ZNF518A: variants seen among roughly 807,000 people sequenced by gnomAD.
The protein encoded by ZNF518A is zinc finger protein 518.
Under a neutral mutation model 102.7 loss-of-function variants are expected in ZNF518A, and 47 were observed. The observed-to-expected ratio is 0.46, with a 90% confidence interval of 0.36 to 0.58. ZNF518A has a LOEUF of 0.58. Ranked by LOEUF, ZNF518A falls within the 20% of genes least tolerant of loss-of-function variation. ZNF518A has a pLI of 0.00. For synonymous variants in ZNF518A, 652 were observed against 594.6 expected (o/e 1.10, Z -1.40); for missense variants, 1,793 against 1,699.8 (o/e 1.05, Z -0.96).
At chr10:96,135,553 C>G (rs2081557272) in intron 3 of ZNF518A, among the ~76,000 whole-genome samples, 1 of 152,214 alleles carries the variant, frequency 6.6e-6, no homozygotes, top group South Asian at 2.1e-4. Context: ...TACTTTCACT[C>G]AACCTACAAA....
intron 3 of ZNF518A, among the ~76,000 whole-genome samples, chr10:96,151,971 G>A (rs1403681058): frequency 7.9e-5 from 12 of 152,154 alleles, no homozygotes; most frequent in African/African-American, 2.9e-4. Flanking sequence ...GTCTTATGCT[G>A]TAATAATACA....
At chr10:96,140,638 AG>A (rs1564746280) in intron 3 of ZNF518A, among the ~76,000 whole-genome samples, 1 of 152,194 alleles carries the variant, frequency 6.6e-6, no homozygotes, top group Non-Finnish European at 1.5e-5. Flanking sequence ...CCTATTAAAA[AG>A]GTGATTTCTG....
rs782063820 is a variant in ZNF518A, at chr10:96,192,113, T to G, written n.36-11461T>G. On this transcript the variant is annotated intron_variant and non_coding_transcript_variant, in intron 1 of 2. Transcript: ENST00000442635. ...AAGTACTAGAGGAAGAAAACATAGA[T>G]GAATTATACTTTGGCATTTGTGTTA... 1.9e-6 allele frequency: 3 copies of G among 1,613,112 alleles called. No homozygotes were observed. The South Asian group carries it at 3.3e-5, about 18-fold the overall frequency.
At chr10:96,140,723 G>A (rs2081876334) in intron 3 of ZNF518A, among the ~76,000 whole-genome samples, 1 of 151,648 alleles carries the variant, frequency 6.6e-6, no homozygotes, top group Admixed American at 6.6e-5. Context: ...TTGAGACCAG[G>A]AGGTCAAGAC....
chr10:96,131,572 G>T (rs1554871862), intron 1 of ZNF518A, among the ~76,000 whole-genome samples: 1 of 152,062 alleles, frequency 6.6e-6, no homozygotes, highest in Non-Finnish European at 1.5e-5. Flanking sequence ...ACAGAAAATT[G>T]CCAACAAAAG....
At chr10:96,180,827 C>T (rs1266946980) in intron 1 of ZNF518A, among the ~76,000 whole-genome samples, 16 of 147,750 alleles carry the variant, frequency 1.1e-4, no homozygotes, top group African/African-American at 3.4e-4. Context: ...GTCTTTATAG[C>T]AGCATGATTT....
rs185927824 is a variant in ZNF518A at position 96,193,547 on chromosome 10, G to A, written n.36-10027G>A. Among the ~76,000 whole-genome samples, 5 of 152,284 alleles carry A rather than the reference G, an allele frequency of 3.3e-5. No individual in the cohort carries two copies. The East Asian group carries it at 7.7e-4, about 23-fold the overall frequency. On this transcript the variant is annotated intron_variant and non_coding_transcript_variant, in intron 1 of 2. Coordinates refer to the ZNF518A transcript ENST00000442635. Reference sequence around the variant, plus strand: ...TGAAACATTTGAAGTAGGGAATGAAGTTGAAGAATATTTGTGATTTAATTT... The same window carrying A: ...TGAAACATTTGAAGTAGGGAATGAAATTGAAGAATATTTGTGATTTAATTT...
chr10:96,148,774 G>A (rs1731503671), intron 3 of ZNF518A, among the ~76,000 whole-genome samples: 1 of 152,210 alleles, frequency 6.6e-6, no homozygotes, highest in South Asian at 2.1e-4. Context: ...GGAGTGCAGT[G>A]GCATGGTCTC....
chr10:96,155,089 T>C (rs1476241550), intron 3 of ZNF518A, among the ~76,000 whole-genome samples: 2 of 147,756 alleles, frequency 1.4e-5, no homozygotes, highest in Non-Finnish European at 3.0e-5. Context: ...ATTAAAAACA[T>C]GTAATTTTTC....
At chr10:96,184,563 C>T (rs1554892347) in intron 1 of ZNF518A, among the ~76,000 whole-genome samples, 1 of 152,178 alleles carries the variant, frequency 6.6e-6, no homozygotes, top group African/African-American at 2.4e-5. Flanking sequence ...ACTTATGAAG[C>T]TTAGTTTGGC....
downstream of ZNF518A, among the ~76,000 whole-genome samples, chr10:96,165,454 A>G (rs1219561966): frequency 2.3e-5 from 2 of 87,240 alleles, no homozygotes; most frequent in Non-Finnish European, 5.0e-5. Flanking sequence ...CAAGCCTGCC[A>G]AAAAACAACA....
chr10:96,172,064 G>A (rs2133883928), intron 1 of ZNF518A, among the ~76,000 whole-genome samples: 1 of 152,110 alleles, frequency 6.6e-6, no homozygotes, highest in South Asian at 2.1e-4. Context: ...TTTCAAATAA[G>A]CAAAATGAGA....
At chr10:96,199,551 A>G (rs1193105546) in intron 1 of ZNF518A, 1 of 458,876 alleles carries the variant, frequency 2.2e-6, no homozygotes, top group Non-Finnish European at 4.4e-6. Context: ...AGATGAAAGG[A>G]CAAGTAGAAA....
intron 3 of ZNF518A, among the ~76,000 whole-genome samples, chr10:96,138,139 A>T (rs1554875225): frequency 6.6e-6 from 1 of 152,130 alleles, no homozygotes; most frequent in African/African-American, 2.4e-5. Flanking sequence ...TACTTGGATA[A>T]TTGTACTGTG....
intron 2 of ZNF518A, chr10:96,203,721 G>A (rs1401410452): frequency 5.2e-6 from 1 of 193,152 alleles, no homozygotes; most frequent in African/African-American, 2.4e-5. Flanking sequence ...ACTATAGCTG[G>A]TGCTTCCCAT....
chr10:96,156,199 G>C lies in ZNF518A; in HGVS notation c.-124G>C. The C allele has an allele frequency of 1.2e-6, 1 of 805,744 alleles. No individual in the cohort carries two copies. The highest frequency in any genetic ancestry group is 1.8e-5 in the African/African-American group (1 of 56,418). 49.9% of individuals were successfully genotyped at this position (805,744 alleles called of 1,614,324 possible). A position where few individuals can be genotyped will look rare whatever the true frequency, so the allele number is the denominator to read the frequency against. On this transcript the variant is annotated splice_region_variant and 5_prime_UTR_variant, in exon 6 of 6. Transcript: ENST00000316045. ...TTCAATTCTTTGTTTAATTTTAGGT[G>C]AGTTATTGTGGGAAAAATCCTGTAT...
chr10:96,174,180 G>A (rs2083189942), intron 1 of ZNF518A, among the ~76,000 whole-genome samples: 1 of 151,568 alleles, frequency 6.6e-6, no homozygotes, highest in Non-Finnish European at 1.5e-5. Flanking sequence ...TGACTAAAAT[G>A]GTAACTTTTA....
chr10:96,156,799 A>C lies in ZNF518A; in HGVS notation c.477A>C (p.Ala159=), dbSNP rs781976084. ...CTTGTGAAATGTGCAACTTTTCAGC[A>C]AATGACTTTCAGGTATTTAAACAAC... ...SYPCEMCNFS[A]NDFQVFKQHR... The change falls in exon 6 of 6, where the codon GCA becomes GCC. Residue 159 remains alanine (A), a synonymous_variant. Coordinates refer to ENST00000316045, the MANE Select transcript of ZNF518A (RefSeq NM_001330736.2). 6.2e-7 allele frequency: 1 copy of C among 1,613,964 alleles called. No individual in the cohort carries two copies. The highest frequency in any genetic ancestry group is 2.2e-5 in the East Asian group (1 of 44,880).
At chr10:96,131,095 G>A (rs1354563877) in intron 1 of ZNF518A, among the ~76,000 whole-genome samples, 7 of 152,098 alleles carry the variant, frequency 4.6e-5, no homozygotes, top group Admixed American at 3.3e-4. Flanking sequence ...GTTGTCAAAC[G>A]TCTAAAAAAC....
Sources: allele counts gnomAD v4.1 joint callset (sites outside exome capture counted in the v4.1 genomes callset), GRCh38; gene constraint gnomAD v4.1.1; transcripts MANE v1.5; gene names NCBI Gene and HGNC (gene_info 2026-07-23, HGNC 2026-07-21).